The following CHST6 variants were observed in gnomAD, a reference collection of about 807,000 sequenced individuals.
The protein encoded by CHST6 is N-acetylglucosamine 6-O-sulfotransferase 5.
For missense variants in CHST6, 698 were observed against 586.2 expected (o/e 1.19, Z -1.97); for synonymous variants, 309 against 276.4 (o/e 1.12, Z -1.17).
At chr16:75,492,287 G>T (rs1260625045) in intron 1 of CHST6, among the ~76,000 whole-genome samples, 1 of 152,168 alleles carries the variant, frequency 6.6e-6, no homozygotes, top group Non-Finnish European at 1.5e-5. Flanking sequence ...CACCTGCCTT[G>T]GTCTAAATTG....
At chr16:75,488,464 C>G (rs191029308) in intron 1 of CHST6, among the ~76,000 whole-genome samples, 1 of 146,790 alleles carries the variant, frequency 6.8e-6, no homozygotes, top group African/African-American at 2.5e-5. Flanking sequence ...AGCAAAGCCC[C>G]GTCACAAGGA....
Position 75,478,562 on chromosome 16 carries a change from G to T in CHST6, c.*79C>A. Reference sequence around the variant, plus strand: ...AACTCCTTGGTCAATATAGGGACCTGCTTCTCCGTGCGCCCCAGCCCCCTC... The same window carrying T: ...AACTCCTTGGTCAATATAGGGACCTTCTTCTCCGTGCGCCCCAGCCCCCTC... On this transcript the variant is annotated 3_prime_UTR_variant, in exon 3 of 3. Coordinates refer to ENST00000332272, the MANE Select transcript of CHST6 (RefSeq NM_021615.5). 2 of 1,448,888 alleles carry T rather than the reference G, an allele frequency of 1.4e-6. No individual in the cohort carries two copies. The highest frequency in any genetic ancestry group is 1.9e-6 in the Non-Finnish European group (2 of 1,031,522). The allele number at this position is 1,448,888 out of a possible 1,614,324, so 89.8% of individuals were successfully genotyped here.
At chr16:75,480,922 C>T (rs1597475442) in intron 2 of CHST6, among the ~76,000 whole-genome samples, 1 of 73,768 alleles carries the variant, frequency 1.4e-5, no homozygotes, top group Non-Finnish European at 2.4e-5. Context: ...AGCAAAACTT[C>T]ATTCCAAAAA....
chr16:75,483,893 G>A (rs1017252509), intron 1 of CHST6, among the ~76,000 whole-genome samples: 4 of 151,992 alleles, frequency 2.6e-5, no homozygotes, highest in Admixed American at 6.6e-5. Context: ...GTGCAGTGGC[G>A]CGGACCTGTA....
At position 75,472,150 on chromosome 16, in the gene CHST6, T is replaced by C. The variant is rs1038799233; in HGVS notation, c.*6491A>G. 1.3e-5 allele frequency: 2 copies of C among 152,216 alleles called. No individual in the cohort carries two copies. Among genetic ancestry groups the C allele is most frequent in the African/African-American group, 4.8e-5 (2 of 41,456 alleles). 9.4% of individuals were successfully genotyped at this position (152,216 alleles called of 1,614,324 possible). ...AGGAAAGGATTCACATTCAACAATA[T>C]GATAAACTAGGTGAAACTTTTTGAA... On this transcript the variant is annotated 3_prime_UTR_variant, in exon 3 of 3. Transcript: ENST00000332272.
chr16:75,474,843 TGGA>T lies in CHST6; in HGVS notation c.*3795_*3797del. ...CAGACTCTCGCTTTGTTGCCCAGGC[TGGA>T]GTACAGTGGTGCGATCTCAGCTCAC... On this transcript the variant is annotated 3_prime_UTR_variant, in exon 3 of 3. Transcript: ENST00000332272. 2.5e-6 allele frequency: 1 copy of T among 393,422 alleles called. No homozygotes were observed. Among genetic ancestry groups the T allele is most frequent in the Non-Finnish European group, 4.5e-6 (1 of 223,216 alleles). 24.4% of individuals were successfully genotyped at this position (393,422 alleles called of 1,614,324 possible).
chr16:75,479,051 G>A lies in CHST6; in HGVS notation c.778C>T (p.Pro260Ser), dbSNP rs375301870. ...TAGCGGCCGCGCAGAAAGGGTGGCG[G>A]CTTGAGTGTGGCGGCCTCGGCGATG... The part of the protein sequence containing the change: ...VRIAEAATLK[P>S]PPFLRGRYRL... Residue 260 changes from proline (P) to serine (S), a missense_variant, in exon 3 of 3, where the codon CCG (proline) becomes TCG (serine). Transcript: ENST00000332272. 3 of 1,607,912 alleles carry A rather than the reference G, an allele frequency of 1.9e-6. No homozygotes were observed. The highest frequency in any genetic ancestry group is 1.3e-5 in the African/African-American group (1 of 74,924).
chr16:75,478,649 G>A lies in CHST6; in HGVS notation c.1180C>T (p.Arg394Ter). ...TWASSTASHP[R>*]N ...TACAACTGTGGCCTCCACTAATTTC[G>A]GGGGTGCGAGGCGGTGGATGATGCC... Residue 394 changes from arginine (R) to a stop codon, truncating the protein, a stop_gained, in exon 3 of 3, where the codon CGA becomes TGA. Transcript: ENST00000332272. LOFTEE classifies it high-confidence loss of function. 6.2e-7 allele frequency: 1 copy of A among 1,613,406 alleles called. No individual in the cohort carries two copies. The highest frequency in any genetic ancestry group is 2.2e-5 in the East Asian group (1 of 44,860).
Position 75,473,386 on chromosome 16 carries a change from C to T in CHST6, c.*5255G>A, listed in dbSNP as rs938488082. The T allele has an allele frequency of 6.6e-6, 1 of 152,318 alleles. No homozygotes were observed. The highest frequency in any genetic ancestry group is 2.4e-5 in the African/African-American group (1 of 41,430). The allele number at this position is 152,318 out of a possible 1,614,324, so 9.4% of individuals were successfully genotyped here. A position where few individuals can be genotyped will look rare whatever the true frequency, so the allele number is the denominator to read the frequency against. On this transcript the variant is annotated 3_prime_UTR_variant, in exon 3 of 3. Transcript: ENST00000332272. ...ACCCCTGAACTCTCCTTCTCATGGTCTCTGCTTGTCCAGCAGGCTGGCCTG... is the reference window on the plus strand; with the variant it reads ...ACCCCTGAACTCTCCTTCTCATGGTTTCTGCTTGTCCAGCAGGCTGGCCTG...
At chr16:75,490,986 C>G (rs1317684969) in intron 1 of CHST6, among the ~76,000 whole-genome samples, 1 of 151,172 alleles carries the variant, frequency 6.6e-6, no homozygotes, top group Non-Finnish European at 1.5e-5. Flanking sequence ...ATACTATAAG[C>G]CAGTGAACTG....
At chr16:75,491,165 TAAAAAAAAA>T (rs1168619782) in intron 1 of CHST6, among the ~76,000 whole-genome samples, 48 of 26,370 alleles carry the variant, frequency 1.8e-3, no homozygotes, top group South Asian at 5.6e-3. Context: ...AACTCCGTCT[TAAAAAAAAA>T]AAAAAAAAAA....
chr16:75,479,909 CAGTG>C, intron 2 of CHST6, 65 bp from the exon 3 acceptor site: 4 of 1,388,790 alleles, frequency 2.9e-6, no homozygotes, highest in Non-Finnish European at 3.9e-6. Context: ...CCCCACTGCC[CAGTG>C]CCCGCAGGGG....
chr16:75,484,620 C>A (rs1317068002), intron 1 of CHST6, among the ~76,000 whole-genome samples: 1 of 152,108 alleles, frequency 6.6e-6, no homozygotes, highest in Admixed American at 6.5e-5. Flanking sequence ...GAGGCTGAGG[C>A]GGGCAGATCA....
At chr16:75,483,163 T>TGG (rs1379809823) in intron 1 of CHST6, among the ~76,000 whole-genome samples, 4 of 152,236 alleles carry the variant, frequency 2.6e-5, no homozygotes, top group Non-Finnish European at 5.9e-5. Context: ...GCGAGAAAGC[T>TGG]GGGACCCCAG....
chr16:75,478,762 A>G lies in CHST6; in HGVS notation c.1067T>C (p.Leu356Pro). The G allele has an allele frequency of 6.2e-7, 1 of 1,613,502 alleles. No homozygotes were observed. The highest frequency in any genetic ancestry group is 8.5e-7 in the Non-Finnish European group (1 of 1,180,016). Residue 356 changes from leucine to proline, a missense_variant, in exon 3 of 3, where the codon CTG becomes CCG. Physicochemically the swap from Leu to Pro is moderately conservative, Grantham distance 98. Transcript: ENST00000332272. The part of the protein sequence containing the change: ...QELCAGALQL[L>P]GYRPVYSEDE... ...CTCAGAGTACACAGGCCGGTAGCCC[A>G]GCAGCTGCAGCGCACCAGCGCACAG... is the stretch of plus-strand genomic sequence containing the variant.
intron 1 of CHST6, among the ~76,000 whole-genome samples, chr16:75,490,425 C>T (rs1346018555): frequency 1.3e-5 from 2 of 151,980 alleles, no homozygotes; most frequent in African/African-American, 2.4e-5. Flanking sequence ...TTGTGGTGAG[C>T]CGAGATCGCA....
In CHST6 at chr16:75,479,862, AGCGGTTAGGG is replaced by A; in HGVS notation, c.-16-28_-16-19del. 1.3e-6 allele frequency: 2 copies of A among 1,537,430 alleles called. No homozygotes were observed. Among genetic ancestry groups the A allele is most frequent in the Non-Finnish European group, 1.7e-6 (2 of 1,145,332 alleles). On this transcript the variant is annotated intron_variant, in intron 2 of 2. Coordinates refer to ENST00000332272, the MANE Select transcript of CHST6 (RefSeq NM_021615.5). ...CTGGGGGCCTTAGGGAGGAGAGCGC[AGCGGTTAGGG>A]GCTGCAGCCTGCACGCCCATCCCGT...
chr16:75,490,067 A>C (rs779629893), intron 1 of CHST6, among the ~76,000 whole-genome samples: 1 of 149,730 alleles, frequency 6.7e-6, no homozygotes, highest in Non-Finnish European at 1.5e-5. Flanking sequence ...AATCCCAGCT[A>C]CTCGGCGGGG....
chr16:75,484,213 T>A (rs1157995388), intron 1 of CHST6, among the ~76,000 whole-genome samples: 1 of 152,096 alleles, frequency 6.6e-6, no homozygotes, highest in East Asian at 1.9e-4. Context: ...GGCAGGCACC[T>A]GTAGTCCCAG....
Sources: gnomAD v4.1 joint callset for allele counts (sites outside exome capture counted in the v4.1 genomes callset) on GRCh38, gnomAD v4.1.1 for gene constraint, MANE v1.5 for transcripts, NCBI Gene and HGNC (gene_info 2026-07-23, HGNC 2026-07-21) for gene names.